RPH3AL: variants seen among roughly 807,000 people sequenced by gnomAD.
RPH3AL encodes the protein rab effector Noc2.
Under a neutral mutation model 43.1 loss-of-function variants are expected in RPH3AL, and 38 were observed. The ratio of observed to expected loss-of-function variants is 0.88; its 90% CI spans 0.68 to 1.15. The LOEUF is 1.15. Ranked by LOEUF, RPH3AL falls within the 50% of genes most tolerant of loss-of-function variation. The pLI is 0.00. For synonymous variants in RPH3AL, 189 were observed against 176.3 expected, an observed-to-expected ratio of 1.07 and a Z score of -0.57; for missense variants, 462 against 423.2, an observed-to-expected ratio of 1.09 and a Z score of -0.81.
chr17:231,680 G>T (rs757422308), intron 7 of RPH3AL, among the ~76,000 whole-genome samples: 2 of 152,212 alleles, frequency 1.3e-5, no homozygotes, highest in Non-Finnish European at 2.9e-5. Flanking sequence ...CGGGAGCTCT[G>T]CACACCAAAA....
At chr17:259,873 C>T (rs1555545726) in intron 6 of RPH3AL, among the ~76,000 whole-genome samples, 1 of 152,228 alleles carries the variant, frequency 6.6e-6, no homozygotes. Context: ...ATTTTAATTA[C>T]CATGATAACA....
intron 5 of RPH3AL, among the ~76,000 whole-genome samples, chr17:302,896 G>A (rs975876841): frequency 1.3e-5 from 2 of 152,214 alleles, no homozygotes; most frequent in African/African-American, 2.4e-5. Flanking sequence ...CAGAGAAGGT[G>A]GGAGAAGGAC....
chr17:273,072 G>A (rs62052697), intron 6 of RPH3AL, among the ~76,000 whole-genome samples: 120 of 112,212 alleles, frequency 1.1e-3, no homozygotes, highest in African/African-American at 2.8e-3. Context: ...CGAGGGCGAC[G>A]TCAGGGAGAG....
intron 7 of RPH3AL, among the ~76,000 whole-genome samples, chr17:223,090 T>C (rs1013652459): frequency 2.0e-5 from 3 of 151,734 alleles, no homozygotes; most frequent in Admixed American, 2.0e-4. Context: ...CTCGGGAGGC[T>C]GAGGCAGGAG....
At chr17:337,292 G>C (rs1232155167) in intron 1 of RPH3AL, among the ~76,000 whole-genome samples, 1 of 151,948 alleles carries the variant, frequency 6.6e-6, no homozygotes, top group East Asian at 1.9e-4. Context: ...GTAAAGACAG[G>C]GTCTTGCTCT....
chr17:232,869 T>G (rs2041263506), intron 7 of RPH3AL, among the ~76,000 whole-genome samples: 1 of 82,928 alleles, frequency 1.2e-5, no homozygotes, highest in Non-Finnish European at 2.7e-5. Context: ...TGTGTGTGTG[T>G]GTGTGTGTGT....
chr17:265,232 G>T (rs950912309), intron 6 of RPH3AL, among the ~76,000 whole-genome samples: 14 of 152,108 alleles, frequency 9.2e-5, no homozygotes, highest in Admixed American at 7.9e-4. Flanking sequence ...GACTGCAGGC[G>T]CATGCCACCA....
intron 6 of RPH3AL, among the ~76,000 whole-genome samples, chr17:257,729 C>A (rs201387640): frequency 1.9e-4 from 5 of 25,726 alleles, no homozygotes; most frequent in Non-Finnish European, 2.3e-4. Flanking sequence ...TGAGGGGAGC[C>A]GCACGGTGTC....
intron 7 of RPH3AL, among the ~76,000 whole-genome samples, chr17:224,240 A>G (rs879716993): frequency 0.029 from 4,431 of 152,066 alleles, 107 homozygotes; most frequent in Non-Finnish European, 0.045. Flanking sequence ...TCCCAGCTTC[A>G]CCCTCTTTAA....
intron 1 of RPH3AL, among the ~76,000 whole-genome samples, chr17:336,882 C>T (rs2044971528): frequency 6.6e-6 from 1 of 152,178 alleles, no homozygotes; most frequent in African/African-American, 2.4e-5. Flanking sequence ...CTACCTCCTC[C>T]ACCTGGGGGT....
rs562146930 is a variant in RPH3AL, at chr17:299,207, G to A, written c.352-17353C>T. The stretch of plus-strand genomic sequence containing the variant: ...GCAATGGCCCAGCAGCCCCTCCCCT[G>A]GGTTGGCAACCCAGGTACTCAGGCC... On this transcript the variant is annotated intron_variant, in intron 5 of 9. Transcript: ENST00000331302. Among the ~76,000 whole-genome samples the A allele has an allele frequency of 3.1e-3, 466 of 152,274 alleles. 2 individuals carry two copies. Among genetic ancestry groups the A allele is most frequent in the African/African-American group, 0.011 (454 of 41,558 alleles).
intron 1 of RPH3AL, among the ~76,000 whole-genome samples, chr17:343,051 T>C (rs2045157331): frequency 6.6e-6 from 1 of 152,190 alleles, no homozygotes; most frequent in African/African-American, 2.4e-5. Context: ...AAAGTAAAAT[T>C]ACAAGTAGGT....
At chr17:273,827 A>G (rs544366448) in intron 6 of RPH3AL, among the ~76,000 whole-genome samples, 4 of 152,186 alleles carry the variant, frequency 2.6e-5, no homozygotes, top group African/African-American at 9.7e-5. Context: ...GAAATTGAGG[A>G]GGCAAAGCCA....
At chr17:248,517 T>C (rs558641068) in intron 6 of RPH3AL, among the ~76,000 whole-genome samples, 1 of 152,166 alleles carries the variant, frequency 6.6e-6, no homozygotes, top group African/African-American at 2.4e-5. Flanking sequence ...AGAGTCACCC[T>C]AAAGCTGGCC....
intron 1 of RPH3AL, among the ~76,000 whole-genome samples, chr17:335,221 C>T (rs1200240305): frequency 2.6e-5 from 4 of 152,022 alleles, no homozygotes; most frequent in Non-Finnish European, 4.4e-5. Flanking sequence ...TGCAGGTGTC[C>T]GGGTGAGACT....
chr17:332,891 C>A, intron 2 of RPH3AL: 1 of 676,632 alleles, frequency 1.5e-6, no homozygotes, highest in Non-Finnish European at 2.1e-6. Context: ...TGTTCCGGAA[C>A]CCTTGTAAAA....
chr17:314,466 TG>T (rs1293471214), intron 5 of RPH3AL, among the ~76,000 whole-genome samples: 33 of 128,922 alleles, frequency 2.6e-4, no homozygotes, highest in South Asian at 1.0e-3. Context: ...GTAGTCTCTA[TG>T]CCCCCACCTC....
intron 5 of RPH3AL, among the ~76,000 whole-genome samples, chr17:285,964 G>T (rs2042898210): frequency 6.6e-6 from 1 of 152,192 alleles, no homozygotes; most frequent in South Asian, 2.1e-4. Context: ...GGCGTGACAG[G>T]ACACGGATGA....
rs113553026 is a variant in RPH3AL, at chr17:261,379, C to T, written c.439-14094G>A. 7.0e-4 allele frequency among the ~76,000 whole-genome samples: 106 copies of T among 152,270 alleles called. No individual in the cohort carries two copies. The South Asian group carries it at 0.021, about 29-fold the overall frequency. ...CTCTCTCTGCCATGTGAGGGCACAGCGGGAACACAGCCAGCTGCAAGCCAG... is the reference window on the plus strand; with the variant it reads ...CTCTCTCTGCCATGTGAGGGCACAGTGGGAACACAGCCAGCTGCAAGCCAG... On this transcript the variant is annotated intron_variant, in intron 6 of 9. Transcript: ENST00000331302.
Sources: allele counts gnomAD v4.1 joint callset (sites outside exome capture counted in the v4.1 genomes callset), GRCh38; gene constraint gnomAD v4.1.1; transcripts MANE v1.5; gene names NCBI Gene and HGNC (gene_info 2026-07-23, HGNC 2026-07-21).